RPL24: variants seen among roughly 807,000 people sequenced by gnomAD.
RPL24 encodes large ribosomal subunit protein eL24.
In RPL24, 7 loss-of-function variants were observed where a neutral mutation model predicts 26.4. That is an observed-to-expected ratio of 0.27 (90% CI 0.15 to 0.50). The LOEUF (loss-of-function observed/expected upper bound fraction) is 0.50. Ranked by LOEUF, RPL24 falls within the 20% of genes least tolerant of loss-of-function variation. The probability of loss-of-function intolerance (pLI) is 0.98; values close to 1 mark genes in which losing one functional copy is unlikely to be tolerated. For synonymous variants in RPL24, 67 were observed against 65.2 expected, an observed-to-expected ratio of 1.03 and a Z score of -0.13; for missense variants, 109 against 194.9, an observed-to-expected ratio of 0.56 and a Z score of 2.62.
At chr3:101,686,193 T>G (rs1038712642) in intron 2 of RPL24, 9 of 576,596 alleles carry the variant, frequency 1.6e-5, no homozygotes, top group Middle Eastern at 9.1e-4. Flanking sequence ...GGAAGCATTC[T>G]GCTCTTGTCC....
chr3:101,682,111 G>A (rs1937270621), intron 5 of RPL24: 1 of 249,136 alleles, frequency 4.0e-6, no homozygotes, highest in East Asian at 9.2e-5. Flanking sequence ...CAGCACTTTG[G>A]GAGGCTGAGG....
In RPL24 at chr3:101,685,909, G is replaced by A. The variant is rs1257258561; in HGVS notation, c.101C>T (p.Ala34Val). 3 of 1,612,692 alleles carry A rather than the reference G, an allele frequency of 1.9e-6. No homozygotes were observed. Among genetic ancestry groups the A allele is most frequent in the East Asian group, 2.2e-5 (1 of 44,878 alleles). Residue 34 changes from alanine to valine, a missense_variant, in exon 3 of 6, where the codon GCG becomes GTG. By Grantham distance (64) the Ala-to-Val change is moderately conservative (BLOSUM62 0). Transcript: ENST00000394077. ...GGAAAGGAAAGCCGACTCGCATTTC[G>A]CATTAAGAAACTGGAAAACCTAGAG... ...TDGKVFQFLN[A>V]KCESAFLSKR...
intron 3 of RPL24, among the ~76,000 whole-genome samples, chr3:101,683,843 C>G (rs1937294999): frequency 6.6e-6 from 1 of 151,746 alleles, no homozygotes. Flanking sequence ...TCCTGAGTAG[C>G]TGGGATCACA....
chr3:101,686,649 T>G, intron 1 of RPL24, 23 bp downstream of exon 1: 1 of 1,614,246 alleles, frequency 6.2e-7, no homozygotes, highest in East Asian at 2.2e-5. Context: ...GTAAGCGGAT[T>G]GGGAACCACG....
At chr3:101,683,878 A>AT (rs779019907) in intron 3 of RPL24, among the ~76,000 whole-genome samples, 6 of 151,498 alleles carry the variant, frequency 4.0e-5, no homozygotes, top group Non-Finnish European at 8.8e-5. Flanking sequence ...CGCCCGGCTA[A>AT]TTTTTGTATT....
intron 3 of RPL24, among the ~76,000 whole-genome samples, chr3:101,683,628 C>T (rs1937289755): frequency 6.6e-6 from 1 of 151,704 alleles, no homozygotes; most frequent in Non-Finnish European, 1.5e-5. Flanking sequence ...ATATTCTTGT[C>T]TCAAACGAAC....
At chr3:101,682,669 A>C (rs1175534095) in intron 4 of RPL24, 102 bp downstream of exon 4, 3 of 1,289,988 alleles carry the variant, frequency 2.3e-6, no homozygotes, top group Non-Finnish European at 2.2e-6. Flanking sequence ...CCACCAAATC[A>C]GCTTAACATA....
intron 5 of RPL24, chr3:101,681,626 G>T (rs761583106): frequency 3.7e-5 from 6 of 161,224 alleles, no homozygotes; most frequent in Non-Finnish European, 6.8e-5. Flanking sequence ...CAGGTGGATC[G>T]CTTGAGCTCA....
Sources: allele counts gnomAD v4.1 joint callset (sites outside exome capture counted in the v4.1 genomes callset), GRCh38; gene constraint gnomAD v4.1.1; transcripts MANE v1.5; gene names NCBI Gene and HGNC (gene_info 2026-07-23, HGNC 2026-07-21).